SCN1A: variants seen among roughly 807,000 people sequenced by gnomAD.
The protein encoded by SCN1A is sodium voltage-gated channel alpha subunit 1.
SCN1A carries 13 observed loss-of-function variants against 193.7 expected under a neutral mutation model. That is an observed-to-expected ratio of 0.07 (90% CI 0.04 to 0.11). The LOEUF (loss-of-function observed/expected upper bound fraction) is 0.11, where lower values mean the gene tolerates loss of function less well. Ranked by LOEUF, SCN1A falls within the 10% of genes least tolerant of loss-of-function variation. SCN1A has a pLI of 1.00. For synonymous variants in SCN1A, 781 were observed against 843.6 expected (o/e 0.93, Z 1.29); for missense variants, 1,432 against 2,451.1 (o/e 0.58, Z 8.78).
At position 165,998,199 on chromosome 2, in the gene SCN1A, A is replaced by C. The variant is rs749411630; in HGVS notation, c.4339-24T>G. On this transcript the variant is annotated intron_variant, in intron 25 of 28. Transcript: ENST00000674923. ...ACCTACCAAAGGGGAATATTTTGTA[A>C]AATATTACCATACATTTTAGTGCTG... 12 of 1,589,600 alleles carry C rather than the reference A, an allele frequency of 7.5e-6. 1 individual carries two copies. The South Asian group carries it at 1.3e-4, about 18-fold the overall frequency.
At chr2:166,081,894 A>G (rs1014671433) in intron 2 of SCN1A, among the ~76,000 whole-genome samples, 5 of 151,976 alleles carry the variant, frequency 3.3e-5, no homozygotes, top group African/African-American at 1.2e-4. Flanking sequence ...GAAGTGATTT[A>G]CAGGGAAAAA....
intron 2 of SCN1A, among the ~76,000 whole-genome samples, chr2:166,086,215 C>G (rs1291417741): frequency 6.6e-6 from 1 of 152,066 alleles, no homozygotes; most frequent in African/African-American, 2.4e-5. Flanking sequence ...AAGGGCTAAA[C>G]AGAAATCAGC....
chr2:165,994,443 C>T lies in SCN1A; in HGVS notation c.4582-27G>A, dbSNP rs113927395. On this transcript the variant is annotated intron_variant, in intron 27 of 28. Coordinates refer to ENST00000674923, the MANE Select transcript of SCN1A (RefSeq NM_001165963.4). ...TGTAGAGAAATAGAAATGCTTTTAA[C>T]AACAAAGGAGTTTTCTCATGTGCAT... 8.7e-4 allele frequency: 1,398 copies of T among 1,610,586 alleles called. 5 individuals are homozygous for T. Among genetic ancestry groups the T allele is most frequent in the Non-Finnish European group, 5.0e-4 (584 of 1,177,720 alleles).
intron 2 of SCN1A, among the ~76,000 whole-genome samples, chr2:166,096,787 AAT>A (rs1284487939): frequency 6.6e-6 from 1 of 152,096 alleles, no homozygotes; most frequent in Admixed American, 6.6e-5. Flanking sequence ...TATTAATTTT[AAT>A]ATATGTGTGA....
chr2:166,036,358 C>T lies in SCN1A; in HGVS notation c.3119G>A (p.Arg1040Lys), dbSNP rs1229966859. 1.9e-6 allele frequency: 3 copies of T among 1,608,552 alleles called. No individual in the cohort carries two copies. The highest frequency in any genetic ancestry group is 2.2e-5 in the South Asian group (2 of 89,600). Residue 1040 changes from arginine (R) to lysine (K), a missense_variant, in exon 19 of 29, where the codon AGG (arginine) becomes AAG (lysine). Physicochemically the swap from Arg to Lys is conservative, Grantham distance 26. Transcript: ENST00000674923. ...IYEFIQQSFIRKQKILDEIKP... is the reference protein window; with the variant it reads ...IYEFIQQSFIKKQKILDEIKP... Reference sequence around the variant, plus strand: ...AATTTCATCTAAAATCTTTTGTTTCCTAATGAAGGACTGTTGAATAAATTC... The same window carrying T: ...AATTTCATCTAAAATCTTTTGTTTCTTAATGAAGGACTGTTGAATAAATTC...
At chr2:166,062,665 C>G (rs938490593) in intron 4 of SCN1A, among the ~76,000 whole-genome samples, 3 of 152,062 alleles carry the variant, frequency 2.0e-5, no homozygotes, top group Admixed American at 6.6e-5. Context: ...TAAGAAAGGG[C>G]TCCAAGAGGG....
intron 1 of SCN1A, among the ~76,000 whole-genome samples, chr2:166,143,913 G>A (rs1460033650): frequency 6.6e-6 from 1 of 152,144 alleles, no homozygotes; most frequent in African/African-American, 2.4e-5. Context: ...TGTGATCCAG[G>A]TTTGTGACAT....
At chr2:166,114,226 T>C (rs1347273478) in intron 2 of SCN1A, among the ~76,000 whole-genome samples, 1 of 152,200 alleles carries the variant, frequency 6.6e-6, no homozygotes, top group African/African-American at 2.4e-5. Flanking sequence ...ATGCAATGAT[T>C]TTCAGAGAGT....
chr2:166,042,381 G>C lies in SCN1A; in HGVS notation c.2087C>G (p.Ser696Cys). 6.2e-7 allele frequency: 1 copy of C among 1,613,854 alleles called. No homozygotes were observed. The highest frequency in any genetic ancestry group is 8.5e-7 in the Non-Finnish European group (1 of 1,179,840). Reference protein sequence around the residue: ...ETEMRKRRSSSFHVSMDFLED... With the variant: ...ETEMRKRRSSCFHVSMDFLED... The stretch of plus-strand genomic sequence containing the variant: ...TAGAAAGTCCATGGAAACGTGGAAA[G>C]AACTTGACCTTCTCTTTCTCATTTC... Residue 696 changes from serine (S) to cysteine (C), a missense_variant, in exon 15 of 29, where the codon TCT (serine) becomes TGT (cysteine). By Grantham distance (112) the Ser-to-Cys change is moderately radical (BLOSUM62 -1). Around this residue, in one of 18 missense-constraint regions of SCN1A, gnomAD observed 316 missense variants for 362.1 expected, o/e 0.87. Transcript: ENST00000674923.
intron 19 of SCN1A, among the ~76,000 whole-genome samples, chr2:166,031,925 A>G (rs781347129): frequency 1.5e-4 from 23 of 152,080 alleles, no homozygotes; most frequent in Non-Finnish European, 3.2e-4. Flanking sequence ...GAGTATAACC[A>G]TTTACCAACT....
intron 19 of SCN1A, among the ~76,000 whole-genome samples, chr2:166,034,154 G>A (rs1692955458): frequency 6.6e-6 from 1 of 152,046 alleles, no homozygotes; most frequent in African/African-American, 2.4e-5. Context: ...ACATGGAAAT[G>A]TGACAGGATC....
rs59251406 is a variant in SCN1A at position 166,042,275 on chromosome 2, T to C, written c.2176+17A>G. On this transcript the variant is annotated intron_variant, in intron 15 of 28. Coordinates refer to ENST00000674923, the MANE Select transcript of SCN1A (RefSeq NM_001165963.4). ...TTGGTGAAAATAATTGAAACGAAAA[T>C]AGAATTTGTTACCAACCTTCTACTG... 10,651 of 1,609,914 alleles carry C rather than the reference T, an allele frequency of 6.6e-3. 621 individuals carry two copies. The African/African-American group carries it at 0.12, about 19-fold the overall frequency.
At chr2:166,055,513 G>A (rs529502928) in intron 6 of SCN1A, among the ~76,000 whole-genome samples, 2 of 152,018 alleles carry the variant, frequency 1.3e-5, no homozygotes, top group Admixed American at 1.3e-4. Context: ...TTTCAGCCTG[G>A]AAGTGTCTAG....
rs1698006629 is a variant in SCN1A at position 166,047,674 on chromosome 2, A to G, written c.1123T>C (p.Leu375=). The G allele has an allele frequency of 3.1e-6, 5 of 1,613,552 alleles. No homozygotes were observed. In the South Asian group the frequency reaches 5.5e-5, roughly 18 times the overall value. ...FDTFSWAFLS[L]FRLMTQDFWE... is the part of the protein sequence containing the mutation. The stretch of plus-strand genomic sequence containing the variant: ...AAGTCCTGAGTCATTAGTCGAAACA[A>G]GGACAAAAAAGCCCAACTGAAGGTA... Residue 375 remains leucine (L), a synonymous_variant, in exon 11 of 29, where the codon TTG becomes CTG. Coordinates refer to ENST00000674923, the MANE Select transcript of SCN1A (RefSeq NM_001165963.4).
intron 2 of SCN1A, chr2:166,104,140 A>G (rs1256847561): frequency 6.6e-6 from 1 of 152,234 alleles, no homozygotes; most frequent in Non-Finnish European, 1.5e-5. Flanking sequence ...AAATAATTGA[A>G]AAGAGACATA....
At chr2:166,041,117 A>C in intron 16 of SCN1A, 114 bp downstream of exon 16, 1 of 851,438 alleles carries the variant, frequency 1.2e-6, no homozygotes. Context: ...GCGATTTTGC[A>C]GGGGCCAGGA....
intron 3 of SCN1A, among the ~76,000 whole-genome samples, chr2:166,075,112 G>C (rs1032119751): frequency 3.9e-5 from 6 of 152,040 alleles, no homozygotes; most frequent in African/African-American, 1.4e-4. Flanking sequence ...GCAAATAAAA[G>C]TTTAGGGATA....
In SCN1A at chr2:165,994,057, TG is replaced by T; in HGVS notation, c.4852+88del. 2.8e-6 allele frequency: 3 copies of T among 1,072,006 alleles called. No individual in the cohort carries two copies. The East Asian group carries it at 7.8e-5, about 28-fold the overall frequency. The allele number at this position is 1,072,006 out of a possible 1,614,324, so 66.4% of individuals were successfully genotyped here. On this transcript the variant is annotated intron_variant, in intron 28 of 28. Transcript: ENST00000674923. ...TCAAAATATTTACAGTGATTATCTC[TG>T]ATTGCTGGGATGATCTTGAATCTAA... is the stretch of plus-strand genomic sequence containing the variant.
intron 2 of SCN1A, among the ~76,000 whole-genome samples, chr2:166,125,828 A>G (rs1281313891): frequency 6.6e-6 from 1 of 151,964 alleles, no homozygotes; most frequent in East Asian, 1.9e-4. Flanking sequence ...GCCATGTCTT[A>G]AAGAGAAATT....
Sources: gnomAD v4.1 joint callset for allele counts (sites outside exome capture counted in the v4.1 genomes callset) on GRCh38, gnomAD v4.1.1 for gene constraint, gnomAD v4.1.1 regional missense constraint, MANE v1.5 for transcripts, NCBI Gene and HGNC (gene_info 2026-07-23, HGNC 2026-07-21) for gene names.